The following COCH variants were observed in gnomAD, a reference collection of about 807,000 sequenced individuals.
COCH encodes the protein cochlin, also known as coagulation factor C homolog, cochlin (Limulus polyphemus).
Under a neutral mutation model 54.8 loss-of-function variants are expected in COCH, and 40 were observed. The observed-to-expected ratio is 0.73, with a 90% CI of 0.57 to 0.95. The LOEUF (loss-of-function observed/expected upper bound fraction) is 0.95, where lower values mean the gene tolerates loss of function less well. COCH is among the 40% of genes least tolerant of loss of function. The probability of loss-of-function intolerance (pLI) is 0.00; values close to 1 mark genes in which losing one functional copy is unlikely to be tolerated. For synonymous variants in COCH, 256 were observed against 237.9 expected (o/e 1.08, Z -0.70); for missense variants, 605 against 675.0 (o/e 0.90, Z 1.15).
At chr14:30,876,376 C>A (rs1318695871) in intron 3 of COCH, 1 of 152,164 alleles carries the variant, frequency 6.6e-6, no homozygotes, top group Admixed American at 6.5e-5. Context: ...ACAGTGCTTT[C>A]TAAAAATGCA....
intron 8 of COCH, among the ~76,000 whole-genome samples, chr14:30,881,135 G>C (rs907120799): frequency 6.7e-6 from 1 of 150,162 alleles, no homozygotes; most frequent in Non-Finnish European, 1.5e-5. Context: ...GAATCACTTG[G>C]ACTCGGGAGG....
At chr14:30,885,293 T>C (rs1895747022) in intron 9 of COCH, 101 bp from the exon 10 acceptor site, 6 of 1,087,368 alleles carry the variant, frequency 5.5e-6, no homozygotes, top group Admixed American at 3.8e-5. Context: ...GCCAGTTCTA[T>C]ATATAATTCT....
At chr14:30,895,465 T>C (rs542432266), downstream of COCH, 76 of 1,614,052 alleles carry the variant, frequency 4.7e-5, 1 homozygote, top group South Asian at 8.1e-4. Flanking sequence ...TATATGCTTT[T>C]GACGAGTGGA....
Position 30,890,480 on chromosome 14 carries a change from T to G in COCH, c.*689T>G, listed in dbSNP as rs886968157. ...TATTTGGCTTATATTCTAAGTCACCTAAGTACTTAAAAGTTAAGTTGGTAA... is the reference window on the plus strand; with the variant it reads ...TATTTGGCTTATATTCTAAGTCACCGAAGTACTTAAAAGTTAAGTTGGTAA... On this transcript the variant is annotated 3_prime_UTR_variant, in exon 12 of 12. Transcript: ENST00000396618. 1.4e-5 allele frequency: 13 copies of G among 938,028 alleles called. No homozygotes were observed. The highest frequency in any genetic ancestry group is 1.7e-5 in the Non-Finnish European group (13 of 786,884). The allele number at this position is 938,028 out of a possible 1,614,324, so 58.1% of individuals were successfully genotyped here. A position where few individuals can be genotyped will look rare whatever the true frequency, so the allele number is the denominator to read the frequency against.
In COCH at chr14:30,877,378, A is replaced by G. The variant is rs954016767; in HGVS notation, c.83-194A>G. ...CATTAGAGTTTTATAGTGGCTGGGG[A>G]CTATATTAAATTGGAAAACAACCTT... On this transcript the variant is annotated intron_variant, in intron 3 of 11. Coordinates refer to ENST00000396618, the MANE Select transcript of COCH (RefSeq NM_004086.3). This position sits in a 1 kb window ranked among gnomAD's most constrained non-coding sequence, Gnocchi z 8.6. 41 of 628,474 alleles carry G rather than the reference A, an allele frequency of 6.5e-5. No individual in the cohort carries two copies. Among genetic ancestry groups the G allele is most frequent in the Admixed American group, 2.9e-5 (1 of 34,672 alleles). 38.9% of individuals were successfully genotyped at this position (628,474 alleles called of 1,614,324 possible). A position where few individuals can be genotyped will look rare whatever the true frequency, so the allele number is the denominator to read the frequency against.
At chr14:30,893,328 G>T (rs182593528), downstream of COCH, among the ~76,000 whole-genome samples, 4 of 151,698 alleles carry the variant, frequency 2.6e-5, no homozygotes, top group Non-Finnish European at 5.9e-5. Flanking sequence ...GTGTGTGTGT[G>T]TTTTTAGTAG....
In COCH at chr14:30,882,957, G is replaced by A. The variant is rs965273197; in HGVS notation, c.630-1596G>A. Among the ~76,000 whole-genome samples the A allele has an allele frequency of 7.2e-5, 11 of 152,316 alleles. No homozygotes were observed. The South Asian group carries it at 1.9e-3, about 26-fold the overall frequency. ...AGTAGTTTAAACTACTATCAGCAGTGTGTAAGGTTGTATAAACAGTGCTAT... is the reference window on the plus strand; with the variant it reads ...AGTAGTTTAAACTACTATCAGCAGTATGTAAGGTTGTATAAACAGTGCTAT... On this transcript the variant is annotated intron_variant, in intron 8 of 11. Transcript: ENST00000396618.
intron 10 of COCH, 54 bp downstream of exon 10, chr14:30,885,674 C>G: frequency 6.8e-7 from 1 of 1,471,840 alleles, no homozygotes; most frequent in East Asian, 2.3e-5. Context: ...CATTTTGGAC[C>G]TCTAAGTGCA....
chr14:30,885,694 G>A, intron 10 of COCH, 74 bp downstream of exon 10: 1 of 1,499,944 alleles, frequency 6.7e-7, no homozygotes, highest in Non-Finnish European at 9.3e-7. Context: ...AGTGCTGACT[G>A]CCTCTTATCT....
At position 30,890,522 on chromosome 14, in the gene COCH, T is replaced by G; in HGVS notation, c.*731T>G. ...AGTTGGTAAAGTATTTACTGACTGCTTATAAACATTTAAAGACAAAGACAT... is the reference window on the plus strand; with the variant it reads ...AGTTGGTAAAGTATTTACTGACTGCGTATAAACATTTAAAGACAAAGACAT... On this transcript the variant is annotated 3_prime_UTR_variant, in exon 12 of 12. Coordinates refer to ENST00000396618, the MANE Select transcript of COCH (RefSeq NM_004086.3). 1.1e-6 allele frequency: 1 copy of G among 933,730 alleles called. No homozygotes were observed. The allele number at this position is 933,730 out of a possible 1,614,324, so 57.8% of individuals were successfully genotyped here. A position where few individuals can be genotyped will look rare whatever the true frequency, so the allele number is the denominator to read the frequency against.
chr14:30,891,146 T>C (rs555584041), downstream of COCH, among the ~76,000 whole-genome samples: 1 of 152,306 alleles, frequency 6.6e-6, no homozygotes, highest in East Asian at 1.9e-4. Context: ...TTTTGAGTAC[T>C]TGCTTCACCA....
chr14:30,892,654 A>C (rs1298302280), downstream of COCH, among the ~76,000 whole-genome samples: 2 of 152,130 alleles, frequency 1.3e-5, no homozygotes, highest in Middle Eastern at 3.2e-3. Context: ...CTAAAAATAC[A>C]AAATTAACCA....
chr14:30,878,293 A>G (rs1355931051), intron 4 of COCH, among the ~76,000 whole-genome samples: 1 of 152,248 alleles, frequency 6.6e-6, no homozygotes. Context: ...GTTCTTATCA[A>G]CACTTAAGAA....
At position 30,889,492 on chromosome 14, in the gene COCH, T is replaced by A. The variant is rs1895908954; in HGVS notation, c.1478-124T>A. On this transcript the variant is annotated intron_variant, in intron 11 of 11. Coordinates refer to ENST00000396618, the MANE Select transcript of COCH (RefSeq NM_004086.3). The stretch of plus-strand genomic sequence containing the variant: ...ACTTAATTTGTTCAGGGGATTTAAT[T>A]GTCCAGAAATTAGTAAGCAGTTTTC... 1.6e-5 allele frequency: 13 copies of A among 832,412 alleles called. No homozygotes were observed. The South Asian group carries it at 2.0e-4, about 13-fold the overall frequency. 51.6% of individuals were successfully genotyped at this position (832,412 alleles called of 1,614,324 possible).
At chr14:30,893,025 C>T (rs565249101), downstream of COCH, among the ~76,000 whole-genome samples, 13 of 151,996 alleles carry the variant, frequency 8.6e-5, no homozygotes, top group Non-Finnish European at 1.5e-4. Flanking sequence ...AGGATATTAC[C>T]TTATTGAAGA....
At chr14:30,885,162 G>A in intron 9 of COCH, 1 of 1,311,314 alleles carries the variant, frequency 7.6e-7, no homozygotes, top group Non-Finnish European at 1.0e-6. Flanking sequence ...AGGAGGTGGA[G>A]GGGGAACTAA....
rs1895389277 is a variant in COCH, at chr14:30,877,164, A to G, written c.83-408A>G. Among the ~76,000 whole-genome samples the G allele has an allele frequency of 1.3e-5, 2 of 151,996 alleles. No individual in the cohort carries two copies. Among genetic ancestry groups the G allele is most frequent in the South Asian group, 2.1e-4 (1 of 4,812 alleles). On this transcript the variant is annotated intron_variant, in intron 3 of 11. Coordinates refer to ENST00000396618, the MANE Select transcript of COCH (RefSeq NM_004086.3). The surrounding 1 kb of genome is among the most constrained non-coding windows in gnomAD (Gnocchi z 8.6). ...AAATGACTTTTATTTTCTAGTTCAGATATAGTTCCAATTATGTATTTCCAA... is the reference window on the plus strand; with the variant it reads ...AAATGACTTTTATTTTCTAGTTCAGGTATAGTTCCAATTATGTATTTCCAA...
chr14:30,887,823 A>G (rs117631034), intron 11 of COCH, among the ~76,000 whole-genome samples: 1 of 152,342 alleles, frequency 6.6e-6, no homozygotes, highest in East Asian at 1.9e-4. Flanking sequence ...TCTAGCTTGT[A>G]AAAAGTATTT....
chr14:30,880,982 T>A (rs1187582286), intron 8 of COCH, among the ~76,000 whole-genome samples: 1 of 151,928 alleles, frequency 6.6e-6, no homozygotes, highest in Non-Finnish European at 1.5e-5. Context: ...GGAGGCCAAG[T>A]GGGTGTGTGG....
Sources: gnomAD v4.1 joint callset for allele counts (sites outside exome capture counted in the v4.1 genomes callset) on GRCh38, gnomAD v4.1.1 for gene constraint, Gnocchi (gnomAD v3.1) non-coding constraint, MANE v1.5 for transcripts, NCBI Gene and HGNC (gene_info 2026-07-23, HGNC 2026-07-21) for gene names.